FOXP2: variants seen among roughly 807,000 people sequenced by gnomAD.
FOXP2 encodes forkhead box protein P2.
In FOXP2, 12 loss-of-function variants were observed where a neutral mutation model predicts 115.8. The ratio of observed to expected loss-of-function variants is 0.10; its 90% CI spans 0.07 to 0.17. The LOEUF is 0.17. Among genes scored for constraint, FOXP2 ranks in the 10% least tolerant of loss-of-function variants. The pLI is 1.00. For synonymous variants in FOXP2, 328 were observed against 297.7 expected (o/e 1.10, Z -1.05); for missense variants, 629 against 843.5 (o/e 0.75, Z 3.15).
chr7:114,118,437 G>C (rs1190018866), intron 1 of FOXP2, among the ~76,000 whole-genome samples: 1 of 150,990 alleles, frequency 6.6e-6, no homozygotes, highest in Non-Finnish European at 1.5e-5. Flanking sequence ...TATCAACCTA[G>C]AGGTTTTTTT....
intron 2 of FOXP2, among the ~76,000 whole-genome samples, chr7:114,385,500 C>T (rs770244790): frequency 6.6e-6 from 1 of 152,178 alleles, no homozygotes; most frequent in Non-Finnish European, 1.5e-5. Flanking sequence ...AGCTTTCTGC[C>T]TCTAGTCGGC....
At chr7:114,541,863 C>T (rs1270308081) in intron 3 of FOXP2, among the ~76,000 whole-genome samples, 1 of 151,150 alleles carries the variant, frequency 6.6e-6, no homozygotes, top group African/African-American at 2.4e-5. Flanking sequence ...AAAGTGAGAG[C>T]AAGAAAGAAA....
chr7:114,523,157 A>G (rs1447513519), intron 2 of FOXP2, among the ~76,000 whole-genome samples: 1 of 152,126 alleles, frequency 6.6e-6, no homozygotes, highest in Non-Finnish European at 1.5e-5. Flanking sequence ...TAAAATTTGT[A>G]AATTGTAAAC....
At chr7:114,609,144 C>T (rs901443482) in intron 3 of FOXP2, among the ~76,000 whole-genome samples, 2 of 150,760 alleles carry the variant, frequency 1.3e-5, no homozygotes, top group Non-Finnish European at 2.9e-5. Context: ...ACCCAGGAGT[C>T]GGAGGTTACA....
At chr7:114,306,318 A>G (rs1198700418) in intron 2 of FOXP2, among the ~76,000 whole-genome samples, 1 of 152,140 alleles carries the variant, frequency 6.6e-6, no homozygotes, top group East Asian at 1.9e-4. Flanking sequence ...TGCAGGGGTG[A>G]TACAATATGG....
chr7:114,395,463 T>C (rs1792713807), intron 2 of FOXP2, among the ~76,000 whole-genome samples: 1 of 151,998 alleles, frequency 6.6e-6, no homozygotes, highest in African/African-American at 2.4e-5. Context: ...CTAGGAAGAA[T>C]AGGAAAGTAA....
At chr7:114,140,818 G>C (rs1792186886) in intron 1 of FOXP2, among the ~76,000 whole-genome samples, 1 of 152,176 alleles carries the variant, frequency 6.6e-6, no homozygotes, top group South Asian at 2.1e-4. Context: ...GGGTGGAAGG[G>C]ATCAGCATCC....
intron 3 of FOXP2, among the ~76,000 whole-genome samples, chr7:114,596,825 G>C (rs1229757): frequency 0.99 from 150,958 of 152,094 alleles, 74,917 homozygotes; most frequent in Middle Eastern, 1. Flanking sequence ...AAATTTTGTT[G>C]TGATAACAAA....
intron 1 of FOXP2, among the ~76,000 whole-genome samples, chr7:114,207,968 C>T (rs1418649239): frequency 6.6e-6 from 1 of 152,208 alleles, no homozygotes; most frequent in Non-Finnish European, 1.5e-5. Context: ...CAAGACCAGC[C>T]TGGACAACAT....
intron 3 of FOXP2, among the ~76,000 whole-genome samples, chr7:114,539,674 A>G (rs1346677769): frequency 6.6e-6 from 1 of 152,040 alleles, no homozygotes; most frequent in East Asian, 1.9e-4. Context: ...AAATAGGCAA[A>G]TTTAAAAGAA....
chr7:114,676,601 T>A (rs1443108693), intron 16 of FOXP2, among the ~76,000 whole-genome samples: 1 of 152,192 alleles, frequency 6.6e-6, no homozygotes, highest in Middle Eastern at 3.2e-3. Flanking sequence ...AAGTATGTTA[T>A]AACCTTCAGG....
At chr7:114,186,977 C>G (rs1793623665) in intron 1 of FOXP2, among the ~76,000 whole-genome samples, 1 of 152,198 alleles carries the variant, frequency 6.6e-6, no homozygotes, top group Non-Finnish European at 1.5e-5. Flanking sequence ...CTGGGTTTCT[C>G]TTTCAAAGCT....
chr7:114,365,277 G>C (rs974797850), intron 2 of FOXP2, among the ~76,000 whole-genome samples: 4 of 152,008 alleles, frequency 2.6e-5, no homozygotes, highest in African/African-American at 9.7e-5. Flanking sequence ...TAAATGCTGA[G>C]TTTGATTTAA....
chr7:114,333,596 T>A lies in FOXP2; in HGVS notation c.-11+45487T>A, dbSNP rs181027335. On this transcript the variant is annotated intron_variant, in intron 2 of 17. Transcript: ENST00000634411. The stretch of plus-strand genomic sequence containing the variant: ...GGTGAAACCCCATCTCTACTAAAAA[T>A]ACAAAAATTAGTCAGTCATGGTGGC... Among the ~76,000 whole-genome samples the A allele has an allele frequency of 2.9e-3, 435 of 152,130 alleles. 2 individuals are homozygous for A. Among genetic ancestry groups the A allele is most frequent in the African/African-American group, 0.01 (418 of 41,512 alleles).
intron 1 of FOXP2, among the ~76,000 whole-genome samples, chr7:114,268,517 G>T (rs528208497): frequency 5.9e-5 from 9 of 152,268 alleles, no homozygotes; most frequent in African/African-American, 2.2e-4. Context: ...CTTTAGGAAA[G>T]ATAGAGTATG....
At chr7:114,105,313 A>C (rs988560765) in intron 1 of FOXP2, among the ~76,000 whole-genome samples, 2 of 152,020 alleles carry the variant, frequency 1.3e-5, no homozygotes, top group African/African-American at 4.8e-5. Flanking sequence ...TCATCTGAAG[A>C]ATTTCATTAA....
intron 3 of FOXP2, among the ~76,000 whole-genome samples, chr7:114,606,441 A>G (rs765017451): frequency 6.6e-6 from 1 of 152,194 alleles, no homozygotes. Flanking sequence ...AACTCTAAAC[A>G]TTTAGTGAAA....
rs929376413 is a variant in FOXP2, at chr7:114,490,911, A to G, written c.169-43706A>G. 1.4e-4 allele frequency among the ~76,000 whole-genome samples: 22 copies of G among 152,124 alleles called. 1 individual carries two copies. Among genetic ancestry groups the G allele is most frequent in the Non-Finnish European group, 2.2e-4 (15 of 67,990 alleles). On this transcript the variant is annotated intron_variant, in intron 2 of 16. Coordinates refer to ENST00000350908, the MANE Select transcript of FOXP2 (RefSeq NM_014491.4). ...TTCTTAATCCAGTCTATCATTGTTG[A>G]ACATTTGGGTTGGTTCCAAGTCTTT...
upstream of FOXP2, among the ~76,000 whole-genome samples, chr7:114,086,766 C>A (rs1341101461): frequency 6.6e-6 from 1 of 152,230 alleles, no homozygotes; most frequent in African/African-American, 2.4e-5. Context: ...CCCTGCTTGC[C>A]GGGGCGAGTG....
Sources: allele counts gnomAD v4.1 joint callset (sites outside exome capture counted in the v4.1 genomes callset), GRCh38; gene constraint gnomAD v4.1.1; transcripts MANE v1.5; gene names NCBI Gene and HGNC (gene_info 2026-07-23, HGNC 2026-07-21).